The following PTPRD variants were observed in gnomAD, a reference collection of about 807,000 sequenced individuals.
PTPRD encodes receptor-type tyrosine-protein phosphatase delta.
In PTPRD, 34 loss-of-function variants were observed where a neutral mutation model predicts 214.5. That is an observed-to-expected ratio of 0.16 (90% CI 0.12 to 0.21). PTPRD has a LOEUF of 0.21. PTPRD is among the 10% of genes least tolerant of loss of function. The pLI is 1.00. For synonymous variants in PTPRD, 1,128 were observed against 845.7 expected, an observed-to-expected ratio of 1.33 and a Z score of -5.79; for missense variants, 2,545 against 2,398.7, an observed-to-expected ratio of 1.06 and a Z score of -1.27.
intron 8 of PTPRD, among the ~76,000 whole-genome samples, chr9:9,420,002 A>G (rs1168642831): frequency 6.6e-6 from 1 of 151,724 alleles, no homozygotes; most frequent in African/African-American, 2.4e-5. Context: ...TGGTAAGGAA[A>G]GGTAGTTACT....
chr9:9,092,432 TCA>T (rs1375613078), intron 10 of PTPRD, among the ~76,000 whole-genome samples: 1 of 152,090 alleles, frequency 6.6e-6, no homozygotes, highest in Non-Finnish European at 1.5e-5. Flanking sequence ...AATTGAATAT[TCA>T]CAGATTGAGG....
intron 11 of PTPRD, among the ~76,000 whole-genome samples, chr9:9,008,790 T>C (rs1216394020): frequency 2.0e-5 from 3 of 152,188 alleles, no homozygotes; most frequent in Non-Finnish European, 2.9e-5. Context: ...TTAAATATAC[T>C]CTGTTACTAT....
intron 3 of PTPRD, among the ~76,000 whole-genome samples, chr9:10,103,398 T>TATATATATATATATATATA (rs1416027194): frequency 3.3e-4 from 47 of 143,026 alleles, no homozygotes; most frequent in South Asian, 6.5e-4. Flanking sequence ...TATATATTTA[T>TATATATATATATATATATA]TTAAGAGCAT....
chr9:8,554,708 AG>A (rs1175388404), intron 14 of PTPRD, among the ~76,000 whole-genome samples: 4 of 152,246 alleles, frequency 2.6e-5, no homozygotes, highest in Non-Finnish European at 4.4e-5. Flanking sequence ...TCCTGGGATA[AG>A]AATTCATTCA....
rs750813567 is a variant in PTPRD, at chr9:8,497,235, T to C, written c.2349+7A>G. The C allele has an allele frequency of 1.8e-5, 29 of 1,590,688 alleles. No homozygotes were observed. The highest frequency in any genetic ancestry group is 1.7e-4 in the Middle Eastern group (1 of 6,046). ...TGCTTTTGACAAAACAGTCAAAAAT[T>C]ACTCACATGTTCAGTAGTATCATCA... On this transcript the variant is annotated splice_region_variant and intron_variant, in intron 26 of 45. Coordinates refer to ENST00000381196, the MANE Select transcript of PTPRD (RefSeq NM_002839.4).
chr9:8,804,553 C>T (rs1182093678), intron 11 of PTPRD, among the ~76,000 whole-genome samples: 3 of 152,146 alleles, frequency 2.0e-5, no homozygotes, highest in South Asian at 2.1e-4. Context: ...GCTGTGATCA[C>T]GCCAATGCAC....
At chr9:10,449,430 A>G (rs905279833) in intron 2 of PTPRD, among the ~76,000 whole-genome samples, 28 of 151,852 alleles carry the variant, frequency 1.8e-4, no homozygotes, top group East Asian at 7.8e-4. Flanking sequence ...CTCCCAAAGT[A>G]CCAAGATGGC....
intron 10 of PTPRD, among the ~76,000 whole-genome samples, chr9:9,095,984 T>G (rs1217401828): frequency 6.6e-6 from 1 of 152,174 alleles, no homozygotes; most frequent in Non-Finnish European, 1.5e-5. Flanking sequence ...TTAGGCTAAG[T>G]GAAATAAGCC....
intron 7 of PTPRD, among the ~76,000 whole-genome samples, chr9:9,583,265 TTTATG>T (rs2091229750): frequency 1.3e-5 from 2 of 152,060 alleles, no homozygotes; most frequent in South Asian, 4.1e-4. Flanking sequence ...CAAGTGGGAA[TTTATG>T]TCTCTTAACT....
At chr9:8,933,340 G>GTTTTGTTTTTTTTTTTTTTTTT (rs2098966631) in intron 11 of PTPRD, among the ~76,000 whole-genome samples, 4 of 80,426 alleles carry the variant, frequency 5.0e-5, no homozygotes, top group African/African-American at 1.5e-4. Context: ...CAACCTTGAG[G>GTTTTGTTTTTTTTTTTTTTTTT]TTTTTTTTTT....
chr9:10,468,889 T>A (rs563337237), intron 2 of PTPRD, among the ~76,000 whole-genome samples: 1 of 152,290 alleles, frequency 6.6e-6, no homozygotes, highest in African/African-American at 2.4e-5. Context: ...AAAGGTCATA[T>A]ATTCTTGCCC....
chr9:8,411,261 G>C (rs958744082), intron 35 of PTPRD, among the ~76,000 whole-genome samples: 2 of 151,620 alleles, frequency 1.3e-5, no homozygotes, highest in Non-Finnish European at 2.9e-5. Flanking sequence ...TAAATAACTA[G>C]ATTTTTTACT....
chr9:8,493,062 C>T (rs551796572), intron 26 of PTPRD, 83 bp from the exon 27 acceptor site: 277 of 1,143,962 alleles, frequency 2.4e-4, no homozygotes, highest in Non-Finnish European at 2.9e-4. Flanking sequence ...TGCCTTCATT[C>T]TGCAAATGCT....
chr9:10,472,176 G>C (rs767319913), intron 2 of PTPRD, among the ~76,000 whole-genome samples: 2 of 152,042 alleles, frequency 1.3e-5, no homozygotes, highest in Admixed American at 6.6e-5. Flanking sequence ...TTATTTAAAA[G>C]GTGTTAGAAT....
At chr9:10,564,589 A>G (rs919092109) in intron 2 of PTPRD, among the ~76,000 whole-genome samples, 1 of 152,094 alleles carries the variant, frequency 6.6e-6, no homozygotes, top group African/African-American at 2.4e-5. Flanking sequence ...TCTAGCCTCA[A>G]TGGAGGCAAC....
intron 7 of PTPRD, among the ~76,000 whole-genome samples, chr9:9,705,011 A>G (rs1031654593): frequency 1.3e-5 from 2 of 152,204 alleles, no homozygotes; most frequent in Non-Finnish European, 2.9e-5. Context: ...CAACAGATTA[A>G]TGAAGTTACA....
At chr9:8,738,755 A>C (rs1272157411) in intron 11 of PTPRD, among the ~76,000 whole-genome samples, 1 of 146,984 alleles carries the variant, frequency 6.8e-6, no homozygotes, top group African/African-American at 2.5e-5. Context: ...ACAGAAAAGG[A>C]AAGAATTAAG....
At chr9:8,382,655 G>C (rs2085486832) in intron 37 of PTPRD, among the ~76,000 whole-genome samples, 1 of 152,172 alleles carries the variant, frequency 6.6e-6, no homozygotes, top group African/African-American at 2.4e-5. Context: ...GAACTTTCTA[G>C]ATAAGGACCC....
intron 2 of PTPRD, among the ~76,000 whole-genome samples, chr9:10,480,560 G>C (rs909831032): frequency 6.6e-6 from 1 of 151,910 alleles, no homozygotes; most frequent in Non-Finnish European, 1.5e-5. Flanking sequence ...AAGGAAGAAA[G>C]AAAGCATGCA....
Sources: allele counts gnomAD v4.1 joint callset (sites outside exome capture counted in the v4.1 genomes callset), GRCh38; gene constraint gnomAD v4.1.1; transcripts MANE v1.5; gene names NCBI Gene and HGNC (gene_info 2026-07-23, HGNC 2026-07-21).